TASP1: variants seen among roughly 807,000 people sequenced by gnomAD.
The protein encoded by TASP1 is taspase 1.
In TASP1, 16 loss-of-function variants were observed where a neutral mutation model predicts 56.6. The ratio of observed to expected loss-of-function variants is 0.28; its 90% CI spans 0.19 to 0.43. The LOEUF is 0.43. TASP1 is among the 20% of genes least tolerant of loss of function. The pLI, the probability that TASP1 is intolerant of heterozygous loss-of-function variation, is 1.00. For missense variants in TASP1, 393 were observed against 511.6 expected (o/e 0.77, Z 2.24); for synonymous variants, 179 against 184.2 (o/e 0.97, Z 0.23).
At chr20:13,541,439 T>A (rs1199200129) in intron 8 of TASP1, among the ~76,000 whole-genome samples, 1 of 152,158 alleles carries the variant, frequency 6.6e-6, no homozygotes, top group African/African-American at 2.4e-5. Flanking sequence ...TTTAATAAAG[T>A]CCGTAAGGGG....
chr20:13,357,507 T>C, the TASP1 span, among the ~76,000 whole-genome samples: 1 of 152,168 alleles, frequency 6.6e-6, no homozygotes, highest in Non-Finnish European at 1.5e-5. Flanking sequence ...AATTCCCTTT[T>C]CTCTGAGATT....
chr20:13,217,783 G>A, the TASP1 span, among the ~76,000 whole-genome samples: 1 of 152,202 alleles, frequency 6.6e-6, no homozygotes, highest in Admixed American at 6.5e-5. Flanking sequence ...TTGTCAGGAT[G>A]TATATACTAT....
chr20:13,529,663 T>G (rs2045134324), intron 9 of TASP1, among the ~76,000 whole-genome samples: 1 of 152,160 alleles, frequency 6.6e-6, no homozygotes, highest in Non-Finnish European at 1.5e-5. Context: ...CAAGCTACAA[T>G]ACATTCAGTA....
chr20:13,482,085 T>C (rs1374212781), intron 11 of TASP1, among the ~76,000 whole-genome samples: 1 of 152,182 alleles, frequency 6.6e-6, no homozygotes, highest in Non-Finnish European at 1.5e-5. Context: ...TGTTTTGATT[T>C]GATTTTTGTA....
chr20:13,591,863 C>T (rs2047543980), intron 4 of TASP1, among the ~76,000 whole-genome samples: 1 of 151,562 alleles, frequency 6.6e-6, no homozygotes, highest in Non-Finnish European at 1.5e-5. Flanking sequence ...ACATGAAGGC[C>T]TATAATATTA....
intron 8 of TASP1, among the ~76,000 whole-genome samples, chr20:13,541,738 T>A (rs1300157717): frequency 6.6e-6 from 1 of 151,968 alleles, no homozygotes; most frequent in African/African-American, 2.4e-5. Context: ...GTTGAATGGA[T>A]GAATAAATAA....
the TASP1 span, among the ~76,000 whole-genome samples, chr20:13,277,051 C>T: frequency 2.1e-4 from 32 of 151,962 alleles, no homozygotes; most frequent in Admixed American, 4.6e-4. Context: ...ATTTAGTCAT[C>T]GATATAGCTT....
At position 13,587,377 on chromosome 20, in the gene TASP1, G is replaced by T; in HGVS notation, c.283-7C>A. On this transcript the variant is annotated splice_region_variant and splice_polypyrimidine_tract_variant and intron_variant, in intron 4 of 13. Transcript: ENST00000337743. ...CATTTGTAAAAGGAGAATCCTAAAA[G>T]ACAAAAACAAAAATTAAAATATCAT... is the stretch of plus-strand genomic sequence containing the variant. The T allele has an allele frequency of 6.3e-7, 1 of 1,583,424 alleles. No individual in the cohort carries two copies. The highest frequency in any genetic ancestry group is 8.6e-7 in the Non-Finnish European group (1 of 1,167,550).
At chr20:13,529,980 C>T (rs1321788893) in intron 9 of TASP1, among the ~76,000 whole-genome samples, 1 of 152,136 alleles carries the variant, frequency 6.6e-6, no homozygotes, top group Non-Finnish European at 1.5e-5. Context: ...TGTATTATAA[C>T]CTCCAACCAC....
chr20:13,613,422 G>A (rs1381579298), intron 4 of TASP1, among the ~76,000 whole-genome samples: 1 of 152,040 alleles, frequency 6.6e-6, no homozygotes, highest in East Asian at 1.9e-4. Context: ...AAAACATGCA[G>A]TTCCCATATA....
At chr20:13,343,279 G>A in the TASP1 span, among the ~76,000 whole-genome samples, 1,156 of 152,320 alleles carry the variant, frequency 7.6e-3, 22 homozygotes, top group Non-Finnish European at 8.3e-3. Context: ...GGCCTACCCA[G>A]CACTCAGGAA....
chr20:13,248,429 A>AT, the TASP1 span, among the ~76,000 whole-genome samples: 237 of 152,214 alleles, frequency 1.6e-3, 1 homozygote, highest in Non-Finnish European at 2.5e-3. Context: ...AGAGGAAGCT[A>AT]TTTTTTTAAT....
chr20:13,380,969 C>T, the TASP1 span, among the ~76,000 whole-genome samples: 4 of 152,228 alleles, frequency 2.6e-5, no homozygotes, highest in Non-Finnish European at 4.4e-5. Flanking sequence ...GACTGCTGTG[C>T]TGGCAGTGAG....
chr20:13,533,920 T>G, intron 9 of TASP1, 102 bp downstream of exon 9: 1 of 1,360,276 alleles, frequency 7.4e-7, no homozygotes, highest in South Asian at 1.4e-5. Context: ...ATGACATTCA[T>G]TTTTTCTAAA....
the TASP1 span, among the ~76,000 whole-genome samples, chr20:13,192,528 C>T: frequency 2.6e-5 from 4 of 151,894 alleles, no homozygotes; most frequent in African/African-American, 9.7e-5. Flanking sequence ...GAGCAAGACC[C>T]TATCTCAAAA....
chr20:13,158,639 GT>G, the TASP1 span, among the ~76,000 whole-genome samples: 1 of 152,136 alleles, frequency 6.6e-6, no homozygotes, highest in Non-Finnish European at 1.5e-5. Flanking sequence ...AACAGCCTCT[GT>G]TTTCAAGCTT....
At chr20:13,592,305 G>A (rs931916604) in intron 4 of TASP1, among the ~76,000 whole-genome samples, 6 of 151,492 alleles carry the variant, frequency 4.0e-5, no homozygotes, top group Non-Finnish European at 7.4e-5. Flanking sequence ...GCTGAGGCAG[G>A]AGAATCACTT....
intron 6 of TASP1, among the ~76,000 whole-genome samples, chr20:13,578,298 C>A (rs2047001504): frequency 6.6e-6 from 1 of 151,536 alleles, no homozygotes; most frequent in South Asian, 2.1e-4. Flanking sequence ...CCATAAATTG[C>A]CTATTTGTAT....
At chr20:13,139,889 C>G in the TASP1 span, among the ~76,000 whole-genome samples, 1 of 152,212 alleles carries the variant, frequency 6.6e-6, no homozygotes, top group Non-Finnish European at 1.5e-5. Context: ...ATATGGATCT[C>G]TCCTCCTTTT....
Sources: allele counts gnomAD v4.1 joint callset (sites outside exome capture counted in the v4.1 genomes callset), GRCh38; gene constraint gnomAD v4.1.1; transcripts MANE v1.5; gene names NCBI Gene and HGNC (gene_info 2026-07-23, HGNC 2026-07-21).